AK5: variants seen among roughly 807,000 people sequenced by gnomAD.
AK5 encodes the protein adenylate kinase 5.
In AK5, 27 loss-of-function variants were observed where a neutral mutation model predicts 69.5. The observed-to-expected ratio is 0.39, with a 90% CI of 0.29 to 0.54. AK5 has a LOEUF of 0.54. Ranked by LOEUF, AK5 falls within the 20% of genes least tolerant of loss-of-function variation. AK5 has a pLI of 0.71. For missense variants in AK5, 531 were observed against 700.4 expected, an observed-to-expected ratio of 0.76 and a Z score of 2.73; for synonymous variants, 260 against 244.4, an observed-to-expected ratio of 1.06 and a Z score of -0.60.
At chr1:77,448,160 G>T (rs569992842) in intron 8 of AK5, among the ~76,000 whole-genome samples, 6 of 152,168 alleles carry the variant, frequency 3.9e-5, no homozygotes, top group African/African-American at 1.4e-4. Context: ...GTGGAAAGGG[G>T]CGGGTCCTGG....
chr1:77,396,682 G>A (rs1298589602), intron 6 of AK5, among the ~76,000 whole-genome samples: 1 of 152,204 alleles, frequency 6.6e-6, no homozygotes, highest in East Asian at 1.9e-4. Flanking sequence ...GGGATAACTA[G>A]GAACATAGGA....
At chr1:77,357,239 G>C (rs1403294053) in intron 6 of AK5, among the ~76,000 whole-genome samples, 1 of 151,348 alleles carries the variant, frequency 6.6e-6, no homozygotes, top group Non-Finnish European at 1.5e-5. Context: ...AATGTAGTTT[G>C]GTATGGTGAT....
At chr1:77,532,739 G>A (rs1658718778) in intron 12 of AK5, among the ~76,000 whole-genome samples, 1 of 152,164 alleles carries the variant, frequency 6.6e-6, no homozygotes, top group Non-Finnish European at 1.5e-5. Flanking sequence ...AAGGTCCCCT[G>A]AAAACCAAAG....
chr1:77,494,868 G>A lies in AK5; in HGVS notation c.1147+8516G>A, dbSNP rs146558780. Among the ~76,000 whole-genome samples the A allele has an allele frequency of 6.1e-3, 914 of 150,748 alleles. 11 individuals are homozygous for A. Among genetic ancestry groups the A allele is most frequent in the African/African-American group, 0.021 (867 of 40,990 alleles). On this transcript the variant is annotated intron_variant, in intron 10 of 13. Coordinates refer to ENST00000354567, the MANE Select transcript of AK5 (RefSeq NM_174858.3). ...TCTATCTGAACTCACTACAAGCTCC[G>A]CCTCCCAGGTTCACGCCATTCTCCT... is the stretch of plus-strand genomic sequence containing the variant.
rs561865296 is a variant in AK5 at position 77,461,892 on chromosome 1, A to G, written c.1060-21425A>G. Among the ~76,000 whole-genome samples, 3 of 152,316 alleles carry G rather than the reference A, an allele frequency of 2.0e-5. No individual in the cohort carries two copies. The South Asian group carries it at 6.2e-4, about 32-fold the overall frequency. On this transcript the variant is annotated intron_variant, in intron 8 of 13. Transcript: ENST00000354567. ...TAGTGTTCTCACCACAAAAATGATAACTATGTGAGATGATATATTTGTTAA... is the reference window on the plus strand; with the variant it reads ...TAGTGTTCTCACCACAAAAATGATAGCTATGTGAGATGATATATTTGTTAA...
At chr1:77,458,332 C>T (rs1321505267) in intron 8 of AK5, among the ~76,000 whole-genome samples, 3 of 152,130 alleles carry the variant, frequency 2.0e-5, no homozygotes, top group Admixed American at 2.0e-4. Context: ...ATTATGTCTC[C>T]TCTCTGACAG....
At chr1:77,391,497 A>ATATATATATATGTG (rs1553144169) in intron 6 of AK5, among the ~76,000 whole-genome samples, 1 of 7,154 alleles carries the variant, frequency 1.4e-4, no homozygotes, top group African/African-American at 7.3e-4. Flanking sequence ...GTGTGTGTGT[A>ATATATATATATGTG]TATATATATA....
chr1:77,289,993 A>C (rs1658594808), intron 2 of AK5, among the ~76,000 whole-genome samples: 1 of 152,198 alleles, frequency 6.6e-6, no homozygotes, highest in Non-Finnish European at 1.5e-5. Flanking sequence ...TAGCAGGATA[A>C]GCTAAAACAA....
At chr1:77,439,187 A>G (rs907252307) in intron 8 of AK5, among the ~76,000 whole-genome samples, 2 of 152,196 alleles carry the variant, frequency 1.3e-5, no homozygotes, top group South Asian at 2.1e-4. Context: ...GGGAATGTAC[A>G]TTGCCATGGG....
intron 7 of AK5, among the ~76,000 whole-genome samples, chr1:77,413,931 T>C (rs916627639): frequency 6.6e-6 from 1 of 152,138 alleles, no homozygotes; most frequent in Non-Finnish European, 1.5e-5. Context: ...TAGTCCCAAA[T>C]ACCGTCAGAA....
rs574154897 is a variant in AK5, at chr1:77,293,238, G to A, written c.248-555G>A. On this transcript the variant is annotated intron_variant, in intron 2 of 13. Coordinates refer to ENST00000354567, the MANE Select transcript of AK5 (RefSeq NM_174858.3). Reference sequence around the variant, plus strand: ...CACCAAGCCATTCCATTGGACCACAGTAGCATTTCTGGGTCGTAGAAAGCA... The same window carrying A: ...CACCAAGCCATTCCATTGGACCACAATAGCATTTCTGGGTCGTAGAAAGCA... Among the ~76,000 whole-genome samples the A allele has an allele frequency of 4.6e-5, 7 of 152,190 alleles. No homozygotes were observed. In the South Asian group the frequency reaches 1.5e-3, roughly 32 times the overall value.
At chr1:77,304,789 C>T (rs1659546617) in intron 5 of AK5, among the ~76,000 whole-genome samples, 1 of 152,204 alleles carries the variant, frequency 6.6e-6, no homozygotes, top group Non-Finnish European at 1.5e-5. Flanking sequence ...AACAGTCCTG[C>T]AACAAACATA....
intron 10 of AK5, among the ~76,000 whole-genome samples, chr1:77,511,824 CTGGCGTCCAGCTAG>C (rs1477592364): frequency 6.6e-6 from 1 of 152,174 alleles, no homozygotes; most frequent in Non-Finnish European, 1.5e-5. Context: ...TAGAAAGGGG[CTGGCGTCCAGCTAG>C]CTAGGGAGGT....
chr1:77,487,035 C>A (rs1002775900), intron 10 of AK5, among the ~76,000 whole-genome samples: 29 of 152,290 alleles, frequency 1.9e-4, no homozygotes, highest in African/African-American at 7.0e-4. Context: ...AGCTCAATAG[C>A]CAGATCCTGA....
chr1:77,360,578 T>C (rs1215300995), intron 6 of AK5, among the ~76,000 whole-genome samples: 1 of 152,132 alleles, frequency 6.6e-6, no homozygotes, highest in African/African-American at 2.4e-5. Flanking sequence ...AGAAAAAAAC[T>C]AAGGCAGCAG....
At chr1:77,288,012 T>C (rs536575644) in intron 2 of AK5, among the ~76,000 whole-genome samples, 3 of 152,246 alleles carry the variant, frequency 2.0e-5, no homozygotes, top group Non-Finnish European at 4.4e-5. Context: ...CATATTTAGT[T>C]CACTTTAACA....
At chr1:77,532,808 TGG>T (rs1658723451) in intron 12 of AK5, among the ~76,000 whole-genome samples, 1 of 152,100 alleles carries the variant, frequency 6.6e-6, no homozygotes, top group Admixed American at 6.6e-5. Context: ...AGGGTGATGT[TGG>T]GGGCAGGCCA....
At chr1:77,340,674 T>C (rs1262930216) in intron 6 of AK5, 106 bp downstream of exon 6, 1 of 1,036,932 alleles carries the variant, frequency 9.6e-7, no homozygotes, top group East Asian at 2.6e-5. Context: ...AAAGTGGCTT[T>C]TGGGGGGTAC....
Position 77,492,015 on chromosome 1 carries a change from GA to G in AK5, c.1147+5670del, listed in dbSNP as rs1173897887. Among the ~76,000 whole-genome samples the G allele has an allele frequency of 2.6e-5, 4 of 152,176 alleles. No homozygotes were observed. The South Asian group carries it at 6.2e-4, about 24-fold the overall frequency. On this transcript the variant is annotated intron_variant, in intron 10 of 13. Coordinates refer to ENST00000354567, the MANE Select transcript of AK5 (RefSeq NM_174858.3). Reference sequence around the variant, plus strand: ...AAATTTCTGCCAGATTCTCAAGTCTGAAAAAAACCACAGTTCGTTTGTTAGA... The same window carrying G: ...AAATTTCTGCCAGATTCTCAAGTCTGAAAAAACCACAGTTCGTTTGTTAGA...
Sources: gnomAD v4.1 joint callset for allele counts (sites outside exome capture counted in the v4.1 genomes callset) on GRCh38, gnomAD v4.1.1 for gene constraint, MANE v1.5 for transcripts, NCBI Gene and HGNC (gene_info 2026-07-23, HGNC 2026-07-21) for gene names.